SYNPO2: variants seen among roughly 807,000 people sequenced by gnomAD.
SYNPO2 encodes synaptopodin-2.
A neutral mutation model predicts 85.0 loss-of-function variants in SYNPO2; 56 were observed. The ratio of observed to expected loss-of-function variants is 0.66; its 90% CI spans 0.53 to 0.82. The LOEUF is 0.82. SYNPO2 is among the 40% of genes least tolerant of loss of function. SYNPO2 has a pLI of 0.00. For synonymous variants in SYNPO2, 602 were observed against 591.1 expected (o/e 1.02, Z -0.27); for missense variants, 1,575 against 1,534.2 (o/e 1.03, Z -0.44).
Position 118,938,038 on chromosome 4 carries a change from CACACCT to C in SYNPO2, c.105+48898_105+48903del, listed in dbSNP as rs1560886638. On this transcript the variant is annotated intron_variant, in intron 1 of 4. Coordinates refer to ENST00000307142, the MANE Select transcript of SYNPO2 (RefSeq NM_133477.3). ...TTATTTTGGGCCAGGCACGGTGGCTCACACCTGTAATCCTAGCACTTTGGAAGGCCG... is the reference window on the plus strand; with the variant it reads ...TTATTTTGGGCCAGGCACGGTGGCTCGTAATCCTAGCACTTTGGAAGGCCG... Among the ~76,000 whole-genome samples the C allele has an allele frequency of 1.2e-4, 18 of 152,260 alleles. No homozygotes were observed. In the East Asian group the frequency reaches 3.5e-3, roughly 29 times the overall value.
upstream of SYNPO2, among the ~76,000 whole-genome samples, chr4:118,886,708 C>T (rs994459497): frequency 2.0e-5 from 3 of 152,132 alleles, no homozygotes; most frequent in Non-Finnish European, 4.4e-5. Flanking sequence ...AGTGTCAAAG[C>T]TCATATTTTA....
At chr4:118,868,060 A>C (rs1731732832) in intron 1 of SYNPO2, among the ~76,000 whole-genome samples, 2 of 151,826 alleles carry the variant, frequency 1.3e-5, no homozygotes, top group African/African-American at 4.8e-5. Context: ...AAAAAAAAAA[A>C]AAAACTACGT....
At chr4:118,868,463 T>C (rs543942057) in intron 1 of SYNPO2, among the ~76,000 whole-genome samples, 14 of 152,328 alleles carry the variant, frequency 9.2e-5, no homozygotes, top group African/African-American at 2.6e-4. Context: ...CAGAACAGAT[T>C]ACTTTTTCAA....
At chr4:118,876,971 ATT>A (rs566934805) in intron 1 of SYNPO2, among the ~76,000 whole-genome samples, 1 of 144,578 alleles carries the variant, frequency 6.9e-6, no homozygotes. Flanking sequence ...ATCTAATTAA[ATT>A]TTTTTTTTTT....
chr4:118,873,361 TTTTTTG>T (rs1221848489), intron 1 of SYNPO2, among the ~76,000 whole-genome samples: 3 of 152,276 alleles, frequency 2.0e-5, no homozygotes, highest in African/African-American at 7.2e-5. Flanking sequence ...TATCTGTTAT[TTTTTTG>T]TTTTTGTTTT....
intron 4 of SYNPO2, among the ~76,000 whole-genome samples, chr4:119,045,209 A>G (rs1306323045): frequency 2.0e-5 from 3 of 152,266 alleles, no homozygotes; most frequent in African/African-American, 7.2e-5. Flanking sequence ...AATACAATAC[A>G]AAACATGTTA....
intron 1 of SYNPO2, among the ~76,000 whole-genome samples, chr4:119,007,243 T>TAC (rs1737084372): frequency 7.6e-5 from 3 of 39,382 alleles, no homozygotes; most frequent in Admixed American, 2.9e-4. Context: ...TATATATATA[T>TAC]ATGTATATAC....
intron 1 of SYNPO2, among the ~76,000 whole-genome samples, chr4:118,893,741 A>T (rs1276649008): frequency 6.6e-6 from 1 of 152,188 alleles, no homozygotes; most frequent in East Asian, 1.9e-4. Context: ...CAAGATTCAC[A>T]ACCACTGCTA....
intron 1 of SYNPO2, among the ~76,000 whole-genome samples, chr4:118,954,800 T>C (rs1161310044): frequency 6.6e-6 from 1 of 152,158 alleles, no homozygotes; most frequent in Non-Finnish European, 1.5e-5. Context: ...CAAAGTACTT[T>C]ATGTGCCAAC....
intron 1 of SYNPO2, among the ~76,000 whole-genome samples, chr4:118,877,169 G>A (rs771264850): frequency 6.6e-6 from 1 of 152,050 alleles, no homozygotes; most frequent in Non-Finnish European, 1.5e-5. Flanking sequence ...TTTTCAGTTT[G>A]CTCAAGAATC....
chr4:118,875,403 G>C (rs1415439493), intron 1 of SYNPO2, among the ~76,000 whole-genome samples: 2 of 152,004 alleles, frequency 1.3e-5, no homozygotes, highest in African/African-American at 4.8e-5. Context: ...CTCTAGCATG[G>C]TTTATCAAAA....
chr4:118,858,815 G>A (rs1731557133), intron 1 of SYNPO2, among the ~76,000 whole-genome samples: 1 of 152,218 alleles, frequency 6.6e-6, no homozygotes, highest in Non-Finnish European at 1.5e-5. Flanking sequence ...GGTTATGGGT[G>A]TCCTTATTTT....
At chr4:118,880,944 G>C (rs1176578573) in intron 1 of SYNPO2, among the ~76,000 whole-genome samples, 1 of 152,026 alleles carries the variant, frequency 6.6e-6, no homozygotes, top group Non-Finnish European at 1.5e-5. Flanking sequence ...TCTTTAAAGA[G>C]ATAATTAAAT....
At chr4:118,917,411 C>A (rs1281190995) in intron 1 of SYNPO2, among the ~76,000 whole-genome samples, 2 of 151,644 alleles carry the variant, frequency 1.3e-5, no homozygotes, top group African/African-American at 2.4e-5. Flanking sequence ...ACAAACCAAC[C>A]AACAAACAAA....
chr4:118,896,100 G>C (rs545631347), intron 1 of SYNPO2, among the ~76,000 whole-genome samples: 1 of 152,234 alleles, frequency 6.6e-6, no homozygotes, highest in African/African-American at 2.4e-5. Flanking sequence ...TCTGTTAGGG[G>C]CATCAAGCTA....
At chr4:118,869,063 T>C (rs774560659) in intron 1 of SYNPO2, among the ~76,000 whole-genome samples, 6 of 151,798 alleles carry the variant, frequency 4.0e-5, no homozygotes, top group Non-Finnish European at 8.8e-5. Flanking sequence ...AAAAAGAAAA[T>C]TATTATTATT....
At chr4:118,887,577 CTTG>C (rs1560824988), upstream of SYNPO2, among the ~76,000 whole-genome samples, 2 of 152,066 alleles carry the variant, frequency 1.3e-5, no homozygotes, top group Non-Finnish European at 2.9e-5. Context: ...CCATGATTAT[CTTG>C]TTTTTATTAA....
intron 1 of SYNPO2, among the ~76,000 whole-genome samples, chr4:118,976,782 A>G (rs13116818): frequency 0.14 from 21,847 of 151,408 alleles, 1,805 homozygotes; most frequent in East Asian, 0.27. Flanking sequence ...TAGATACAGA[A>G]TGCCGATTGG....
At chr4:118,890,904 A>G (rs1219935427) in intron 1 of SYNPO2, among the ~76,000 whole-genome samples, 1 of 152,130 alleles carries the variant, frequency 6.6e-6, no homozygotes, top group Non-Finnish European at 1.5e-5. Context: ...TAATTGAAAT[A>G]TGGGGACAGA....
Sources: gnomAD v4.1 joint callset for allele counts (sites outside exome capture counted in the v4.1 genomes callset) on GRCh38, gnomAD v4.1.1 for gene constraint, MANE v1.5 for transcripts, NCBI Gene and HGNC (gene_info 2026-07-23, HGNC 2026-07-21) for gene names.